Variants in CDC42SE2 observed in about 807,000 individuals in gnomAD.
CDC42SE2 encodes the protein CDC42 small effector 2, also known as CDC42 small effector protein 2.
Under a neutral mutation model 11.5 loss-of-function variants are expected in CDC42SE2, and 3 were observed. The ratio of observed to expected loss-of-function variants is 0.26; its 90% CI spans 0.12 to 0.67. The LOEUF is 0.67. CDC42SE2 is among the 30% of genes least tolerant of loss of function. The pLI, the probability that CDC42SE2 is intolerant of heterozygous loss-of-function variation, is 0.80. For synonymous variants in CDC42SE2, 33 were observed against 34.8 expected (o/e 0.95, Z 0.18); for missense variants, 82 against 106.8 (o/e 0.77, Z 1.02).
upstream of CDC42SE2, among the ~76,000 whole-genome samples, chr5:131,241,064 C>T (rs992856082): frequency 2.0e-5 from 3 of 152,030 alleles, no homozygotes; most frequent in African/African-American, 7.2e-5. Context: ...CTGCAAGCTC[C>T]GCCTCCTGGG....
At chr5:131,234,565 G>A in the CDC42SE2 span, among the ~76,000 whole-genome samples, 1 of 151,764 alleles carries the variant, frequency 6.6e-6, no homozygotes, top group East Asian at 1.9e-4. Flanking sequence ...GAACCTGGGC[G>A]GCAGAGGTTG....
chr5:131,351,921 A>C (rs1759022421), intron 2 of CDC42SE2, among the ~76,000 whole-genome samples: 1 of 152,238 alleles, frequency 6.6e-6, no homozygotes, highest in Non-Finnish European at 1.5e-5. Flanking sequence ...ATATTGGAGA[A>C]AGGATTGACC....
chr5:131,341,711 G>A (rs979662751), intron 2 of CDC42SE2, among the ~76,000 whole-genome samples: 5 of 151,958 alleles, frequency 3.3e-5, no homozygotes, highest in Admixed American at 1.3e-4. Flanking sequence ...ATCTGATATA[G>A]GTACATAAAA....
chr5:131,375,028 C>T (rs1489188363), intron 3 of CDC42SE2, among the ~76,000 whole-genome samples: 1 of 141,614 alleles, frequency 7.1e-6, no homozygotes, highest in Non-Finnish European at 1.5e-5. Flanking sequence ...AGTTTCTCCC[C>T]TCCTTTTTTT....
At chr5:131,364,656 G>T (rs1749803552) in intron 3 of CDC42SE2, among the ~76,000 whole-genome samples, 1 of 152,196 alleles carries the variant, frequency 6.6e-6, no homozygotes, top group South Asian at 2.1e-4. Context: ...GTAGCCCAGT[G>T]AGCCACTTCA....
At chr5:131,383,266 G>A (rs1374652950) in intron 3 of CDC42SE2, among the ~76,000 whole-genome samples, 1 of 152,078 alleles carries the variant, frequency 6.6e-6, no homozygotes, top group Non-Finnish European at 1.5e-5. Context: ...AAGATAGCAG[G>A]AAACCAGTGC....
the CDC42SE2 span, among the ~76,000 whole-genome samples, chr5:131,236,530 T>C: frequency 6.6e-6 from 1 of 151,922 alleles, no homozygotes; most frequent in Non-Finnish European, 1.5e-5. Flanking sequence ...AGGTTCAAGT[T>C]GATTCTCATG....
At chr5:131,258,227 G>T (rs1756694070) in intron 2 of CDC42SE2, among the ~76,000 whole-genome samples, 1 of 149,500 alleles carries the variant, frequency 6.7e-6, no homozygotes, top group African/African-American at 2.5e-5. Context: ...TCTCTTTATT[G>T]TTTTTTTTTC....
At chr5:131,282,272 T>G (rs1757251179) in intron 1 of CDC42SE2, among the ~76,000 whole-genome samples, 3 of 152,204 alleles carry the variant, frequency 2.0e-5, no homozygotes, top group Admixed American at 2.0e-4. Flanking sequence ...CATAGAGAAG[T>G]CACTTTTAAA....
At chr5:131,363,440 G>A (rs1384060371) in intron 3 of CDC42SE2, among the ~76,000 whole-genome samples, 2 of 152,000 alleles carry the variant, frequency 1.3e-5, no homozygotes, top group African/African-American at 4.8e-5. Context: ...GCAATGGTGC[G>A]ATCTTGGCTC....
rs150511270 is a variant in CDC42SE2, at chr5:131,319,516, A to G, written c.-286+3372A>G. On this transcript the variant is annotated intron_variant, in intron 2 of 4. Transcript: ENST00000505065. ...CTTCCTTTGCCCCTTAGCAAGCACC[A>G]CTACTCTTTCCTTTGACATGCAGTA... 2.5e-3 allele frequency among the ~76,000 whole-genome samples: 382 copies of G among 152,190 alleles called. 2 individuals carry two copies. Among genetic ancestry groups the G allele is most frequent in the African/African-American group, 8.6e-3 (356 of 41,502 alleles).
chr5:131,356,561 T>C (rs1749554065), intron 2 of CDC42SE2, among the ~76,000 whole-genome samples: 1 of 152,184 alleles, frequency 6.6e-6, no homozygotes, highest in South Asian at 2.1e-4. Context: ...TGCAAACATC[T>C]TCTTGGTTTG....
At chr5:131,305,700 G>T (rs1757765049) in intron 1 of CDC42SE2, among the ~76,000 whole-genome samples, 1 of 152,064 alleles carries the variant, frequency 6.6e-6, no homozygotes, top group Non-Finnish European at 1.5e-5. Context: ...TCAATCTGTG[G>T]ATTGTCTCTT....
chr5:131,347,000 G>T (rs1758863693), intron 2 of CDC42SE2, among the ~76,000 whole-genome samples: 1 of 152,194 alleles, frequency 6.6e-6, no homozygotes, highest in Admixed American at 6.5e-5. Flanking sequence ...TTAAAGCAGT[G>T]TGTAGAGGGA....
chr5:131,371,420 T>TATG (rs1750009275), intron 3 of CDC42SE2, among the ~76,000 whole-genome samples: 1 of 152,260 alleles, frequency 6.6e-6, no homozygotes, highest in African/African-American at 2.4e-5. Flanking sequence ...TTCTGGTATT[T>TATG]ATGTTCCATC....
intron 1 of CDC42SE2, among the ~76,000 whole-genome samples, chr5:131,295,807 C>T (rs541541968): frequency 6.6e-6 from 1 of 152,026 alleles, no homozygotes; most frequent in Non-Finnish European, 1.5e-5. Context: ...CTCAGCCTCC[C>T]AAGTAGCTGG....
intron 3 of CDC42SE2, among the ~76,000 whole-genome samples, chr5:131,367,106 ATGTG>A (rs894582205): frequency 1.1e-4 from 17 of 151,200 alleles, no homozygotes; most frequent in Admixed American, 1.3e-4. Context: ...TCAAATATAT[ATGTG>A]TGTGTGTGTA....
At position 131,394,291 on chromosome 5, in the gene CDC42SE2, TA is replaced by T; in HGVS notation, c.*3204del. 6.6e-6 allele frequency: 1 copy of T among 152,478 alleles called. No individual in the cohort carries two copies. The highest frequency in any genetic ancestry group is 1.9e-4 in the East Asian group (1 of 5,322). The allele number at this position is 152,478 out of a possible 1,614,324, so 9.4% of individuals were successfully genotyped here. On this transcript the variant is annotated 3_prime_UTR_variant, in exon 5 of 5. Coordinates refer to ENST00000505065, the MANE Select transcript of CDC42SE2 (RefSeq NM_001375635.1). The stretch of plus-strand genomic sequence containing the variant: ...ATTGTTAGCAGTGATCTGCATTCTG[TA>T]AAAGAGGTACTTTCCCATGATGTAG...
chr5:131,371,981 G>GT (rs1321698951), intron 3 of CDC42SE2, among the ~76,000 whole-genome samples: 1 of 151,862 alleles, frequency 6.6e-6, no homozygotes, highest in African/African-American at 2.4e-5. Context: ...TAATTTATTC[G>GT]TTTCCCCCCC....
Sources: allele counts gnomAD v4.1 joint callset (sites outside exome capture counted in the v4.1 genomes callset), GRCh38; gene constraint gnomAD v4.1.1; transcripts MANE v1.5; gene names NCBI Gene and HGNC (gene_info 2026-07-23, HGNC 2026-07-21).